Variants in CDK12 observed in about 807,000 individuals in gnomAD.
CDK12 encodes the protein cyclin dependent kinase 12.
A neutral mutation model predicts 133.8 loss-of-function variants in CDK12; 17 were observed. The ratio of observed to expected loss-of-function variants is 0.13; its 90% confidence interval spans 0.09 to 0.19. The LOEUF is 0.19. CDK12 is among the 10% of genes least tolerant of loss of function. The pLI is 1.00. For synonymous variants in CDK12, 694 were observed against 683.6 expected (o/e 1.02, Z -0.24); for missense variants, 1,508 against 1,818.7 (o/e 0.83, Z 3.11).
chr17:39,484,115 A>G (rs948282384), intron 2 of CDK12, among the ~76,000 whole-genome samples: 2 of 152,140 alleles, frequency 1.3e-5, no homozygotes, highest in Non-Finnish European at 2.9e-5. Context: ...AAGAGCTGGG[A>G]CTACAGGCCG....
chr17:39,553,061 C>T (rs536194462), intron 2 of CDK12, among the ~76,000 whole-genome samples: 35 of 152,058 alleles, frequency 2.3e-4, no homozygotes, highest in African/African-American at 7.7e-4. Context: ...CAGATCTTTG[C>T]GGGGAAGAGG....
intron 2 of CDK12, among the ~76,000 whole-genome samples, chr17:39,481,728 CTT>C (rs200114122): frequency 0.051 from 3,963 of 78,164 alleles, 930 homozygotes; most frequent in African/African-American, 0.087. Flanking sequence ...TTTCTTTTTT[CTT>C]TTTTTTTTTT....
rs1279246405 is a variant in CDK12 at position 39,490,837 on chromosome 17, GT to G, written c.2108+107del. 3.7e-6 allele frequency: 3 copies of G among 804,638 alleles called. No individual in the cohort carries two copies. In the African/African-American group the frequency reaches 5.2e-5, roughly 14 times the overall value. The allele number at this position is 804,638 out of a possible 1,614,324, so 49.8% of individuals were successfully genotyped here. On this transcript the variant is annotated intron_variant, in intron 3 of 13. Transcript: ENST00000447079. ...AACCCACACCAGTAAGATCGTAGAA[GT>G]TTGGTCCCAAAGTATTTTTTAATTT... is the stretch of plus-strand genomic sequence containing the variant.
intron 2 of CDK12, among the ~76,000 whole-genome samples, chr17:39,487,878 G>A (rs146281971): frequency 0.01 from 1,545 of 152,096 alleles, 27 homozygotes; most frequent in African/African-American, 0.036. Flanking sequence ...GCCTCCCAAA[G>A]TGTTGGTATT....
chr17:39,485,034 A>T (rs2051002509), intron 2 of CDK12, among the ~76,000 whole-genome samples: 1 of 151,512 alleles, frequency 6.6e-6, no homozygotes, highest in Admixed American at 6.6e-5. Context: ...GCCAGGCGTG[A>T]TGGTGGGTGC....
chr17:39,467,743 C>G lies in CDK12; in HGVS notation c.1047-3136C>G, dbSNP rs62075057. Among the ~76,000 whole-genome samples the G allele has an allele frequency of 8.8e-3, 1,339 of 152,174 alleles. 9 individuals are homozygous for G. Among genetic ancestry groups the G allele is most frequent in the Middle Eastern group, 0.017 (5 of 294 alleles). On this transcript the variant is annotated intron_variant, in intron 1 of 13. Coordinates refer to ENST00000447079, the MANE Select transcript of CDK12 (RefSeq NM_016507.4). ...GCTGTATTTCAAGCAGAGAAAAACTCTTGTTTCAGCCAAATATGTACAGAA... is the reference window on the plus strand; with the variant it reads ...GCTGTATTTCAAGCAGAGAAAAACTGTTGTTTCAGCCAAATATGTACAGAA...
At position 39,531,250 on chromosome 17, in the gene CDK12, A is replaced by G. The variant is rs2054827919; in HGVS notation, c.4407A>G (p.Gly1469=). 3 of 1,513,084 alleles carry G rather than the reference A, an allele frequency of 2.0e-6. No homozygotes were observed. In the Admixed American group the frequency reaches 7.0e-5, roughly 35 times the overall value. 93.7% of individuals were successfully genotyped at this position (1,513,084 alleles called of 1,614,324 possible). The part of the protein sequence containing the change: ...WGGPTQSSAY[G]KLYRGPTRVP... ...GCCCAACTCAGTCTTCTGCTTATGG[A>G]AAACTCTATCGGGGGCCTACAAGAG... Residue 1469 remains glycine, a synonymous_variant, in exon 14 of 14, where the codon GGA becomes GGG. Coordinates refer to ENST00000447079, the MANE Select transcript of CDK12 (RefSeq NM_016507.4).
intron 2 of CDK12, among the ~76,000 whole-genome samples, chr17:39,481,602 G>A (rs531894301): frequency 3.3e-4 from 49 of 147,070 alleles, no homozygotes; most frequent in African/African-American, 9.8e-4. Flanking sequence ...GAGCCACTGC[G>A]CCCAGCACTT....
upstream of CDK12, among the ~76,000 whole-genome samples, chr17:39,548,403 C>T (rs2144120905): frequency 6.6e-6 from 1 of 152,348 alleles, no homozygotes; most frequent in East Asian, 1.9e-4. Context: ...GTAGCAGGTT[C>T]CAGCTGTATG....
At chr17:39,481,641 T>TCTCTCTCC (rs2050680442) in intron 2 of CDK12, among the ~76,000 whole-genome samples, 2 of 6,738 alleles carry the variant, frequency 3.0e-4, no homozygotes, top group Non-Finnish European at 7.5e-4. Flanking sequence ...GCGCTCTCTC[T>TCTCTCTCC]CTCTCTCTCT....
intron 5 of CDK12, among the ~76,000 whole-genome samples, chr17:39,498,290 T>A (rs2052298710): frequency 6.6e-6 from 1 of 151,924 alleles, no homozygotes. Flanking sequence ...AGTGGTGTGA[T>A]CTCGACTCAC....
chr17:39,543,539 G>C (rs565729825), upstream of CDK12, among the ~76,000 whole-genome samples: 42 of 152,330 alleles, frequency 2.8e-4, no homozygotes, highest in African/African-American at 1.0e-3. Flanking sequence ...GGGCAGATTA[G>C]AAAGAGTTAA....
At chr17:39,563,629 G>A (rs1302845167) in intron 3 of CDK12, among the ~76,000 whole-genome samples, 2 of 152,040 alleles carry the variant, frequency 1.3e-5, no homozygotes, top group African/African-American at 4.8e-5. Flanking sequence ...AGCAATCTCA[G>A]AGAGCAGTAA....
chr17:39,504,879 CAAAAAAAA>C (rs141083545), intron 6 of CDK12, among the ~76,000 whole-genome samples: 2 of 42,498 alleles, frequency 4.7e-5, no homozygotes, highest in African/African-American at 1.0e-4. Flanking sequence ...GACCCTGTCT[CAAAAAAAA>C]AAAAAAAAAA....
chr17:39,540,289 C>T (rs1567803983), intron 1 of CDK12, among the ~76,000 whole-genome samples: 2 of 152,156 alleles, frequency 1.3e-5, no homozygotes, highest in Admixed American at 1.3e-4. Flanking sequence ...GAGGGAACTG[C>T]TTTGTTTTTA....
rs1039865528 is a variant in CDK12, at chr17:39,475,547, AT to A, written c.1931+3802del. Among the ~76,000 whole-genome samples, 751 of 139,792 alleles carry A rather than the reference AT, an allele frequency of 5.4e-3. 3 individuals are homozygous for A. The Middle Eastern group carries it at 0.065, about 12-fold the overall frequency. 91.7% of individuals were successfully genotyped at this position (139,792 alleles called of 152,430 possible). On this transcript the variant is annotated intron_variant, in intron 2 of 13. Transcript: ENST00000447079. ...ATTACAGAAGAGAAGAGAACCTGAAATTTTTTTTTTTTTTTTTTGAGACGGT... is the reference window on the plus strand; with the variant it reads ...ATTACAGAAGAGAAGAGAACCTGAAATTTTTTTTTTTTTTTTTGAGACGGT...
chr17:39,499,346 T>G (rs186995102), intron 5 of CDK12, among the ~76,000 whole-genome samples: 146 of 150,546 alleles, frequency 9.7e-4, no homozygotes, highest in Non-Finnish European at 1.6e-3. Context: ...GTAGCTGGAA[T>G]TACAGGTGCA....
At chr17:39,522,695 A>G (rs2054255807) in intron 11 of CDK12, among the ~76,000 whole-genome samples, 1 of 152,028 alleles carries the variant, frequency 6.6e-6, no homozygotes, top group Non-Finnish European at 1.5e-5. Flanking sequence ...CGTCCTCCCA[A>G]AGTGCTGTGA....
intron 11 of CDK12, among the ~76,000 whole-genome samples, chr17:39,520,862 T>C (rs1238529741): frequency 6.6e-6 from 1 of 152,162 alleles, no homozygotes; most frequent in Non-Finnish European, 1.5e-5. Context: ...TGTTTTGTTT[T>C]TTGAGATGGA....
Sources: allele counts gnomAD v4.1 joint callset (sites outside exome capture counted in the v4.1 genomes callset), GRCh38; gene constraint gnomAD v4.1.1; transcripts MANE v1.5; gene names NCBI Gene and HGNC (gene_info 2026-07-23, HGNC 2026-07-21).